HCN1: variants seen among roughly 807,000 people sequenced by gnomAD.
HCN1 encodes potassium/sodium hyperpolarization-activated cyclic nucleotide-gated channel 1.
HCN1 carries 13 observed loss-of-function variants against 78.9 expected under a neutral mutation model. That is an observed-to-expected ratio of 0.16 (90% CI 0.11 to 0.26). HCN1 has a LOEUF of 0.26. Ranked by LOEUF, HCN1 falls within the 10% of genes least tolerant of loss-of-function variation. The pLI is 1.00. For missense variants in HCN1, 810 were observed against 1,154.3 expected, an observed-to-expected ratio of 0.70 and a Z score of 4.32; for synonymous variants, 552 against 455.5, an observed-to-expected ratio of 1.21 and a Z score of -2.70.
At chr5:45,351,273 G>T (rs1185694010) in intron 5 of HCN1, among the ~76,000 whole-genome samples, 2 of 150,346 alleles carry the variant, frequency 1.3e-5, no homozygotes, top group East Asian at 3.9e-4. Context: ...CAAGCAATGG[G>T]GAAAGGATTC....
chr5:45,660,654 C>T (rs1172490426), intron 1 of HCN1, among the ~76,000 whole-genome samples: 285 of 149,134 alleles, frequency 1.9e-3, no homozygotes, highest in Non-Finnish European at 3.4e-3. Context: ...GGTTGCAATC[C>T]TAGTCTCTGA....
chr5:45,282,926 A>G (rs1745196862), intron 6 of HCN1, among the ~76,000 whole-genome samples: 2 of 152,152 alleles, frequency 1.3e-5, no homozygotes, highest in Non-Finnish European at 2.9e-5. Flanking sequence ...CTATTTTTTA[A>G]TCTCTTCACT....
intron 6 of HCN1, among the ~76,000 whole-genome samples, 180 bp downstream of exon 6, chr5:45,303,419 C>T (rs968857143): frequency 1.3e-5 from 2 of 152,098 alleles, no homozygotes; most frequent in African/African-American, 2.4e-5. Context: ...GTAGTAAATG[C>T]ACACACATTG....
At chr5:45,295,959 T>A (rs1745483410) in intron 6 of HCN1, among the ~76,000 whole-genome samples, 1 of 152,026 alleles carries the variant, frequency 6.6e-6, no homozygotes, top group Non-Finnish European at 1.5e-5. Context: ...TACATTATCT[T>A]CTTTGATGTC....
At chr5:45,619,551 T>C (rs530582716) in intron 2 of HCN1, among the ~76,000 whole-genome samples, 17 of 152,164 alleles carry the variant, frequency 1.1e-4, no homozygotes, top group African/African-American at 1.9e-4. Context: ...AATGAATGAA[T>C]GAATGAATTA....
At chr5:45,303,952 A>G (rs971496668) in intron 5 of HCN1, 113 bp from the exon 6 acceptor site, 2 of 976,174 alleles carry the variant, frequency 2.0e-6, no homozygotes, top group Admixed American at 2.0e-5. Flanking sequence ...AAATTTAGAT[A>G]CAAAAATTCA....
At chr5:45,682,671 C>T (rs189632072) in intron 1 of HCN1, among the ~76,000 whole-genome samples, 23 of 151,486 alleles carry the variant, frequency 1.5e-4, no homozygotes, top group Non-Finnish European at 1.5e-5. Flanking sequence ...CTTAGTGGGC[C>T]TTAAATTCCA....
intron 2 of HCN1, among the ~76,000 whole-genome samples, chr5:45,508,263 G>C (rs922838692): frequency 4.6e-5 from 7 of 151,984 alleles, no homozygotes; most frequent in East Asian, 1.9e-4. Flanking sequence ...ATTCCCAAAG[G>C]CCACTGTATC....
At chr5:45,383,737 C>G (rs1376260802) in intron 4 of HCN1, among the ~76,000 whole-genome samples, 1 of 151,614 alleles carries the variant, frequency 6.6e-6, no homozygotes. Context: ...AAAAAAAATC[C>G]ATGAAGAAAT....
At chr5:45,567,245 T>C (rs545318964) in intron 2 of HCN1, among the ~76,000 whole-genome samples, 1 of 152,216 alleles carries the variant, frequency 6.6e-6, no homozygotes, top group South Asian at 2.1e-4. Context: ...CCTCCTTTTC[T>C]TCTTCAAAAA....
chr5:45,457,514 AGCAAAGTTACTTCCTGTT>A (rs1358214884), intron 3 of HCN1, among the ~76,000 whole-genome samples: 157 of 152,270 alleles, frequency 1.0e-3, no homozygotes, highest in African/African-American at 3.6e-3. Flanking sequence ...ATAAATACAA[AGCAAAGTTACTTCCTGTT>A]CACGTTGTGT....
chr5:45,355,320 A>T (rs1746987748), intron 4 of HCN1, among the ~76,000 whole-genome samples: 1 of 151,982 alleles, frequency 6.6e-6, no homozygotes, highest in Admixed American at 6.6e-5. Context: ...GTATGCCAGT[A>T]GTTCTCAAGG....
intron 2 of HCN1, among the ~76,000 whole-genome samples, chr5:45,534,396 C>G: frequency 1.6e-5 from 1 of 63,614 alleles, no homozygotes; most frequent in Non-Finnish European, 2.8e-5. Context: ...CAGAGTGAGA[C>G]TGCATCTCAA....
At chr5:45,658,584 C>T (rs1037328622) in intron 1 of HCN1, among the ~76,000 whole-genome samples, 5 of 151,862 alleles carry the variant, frequency 3.3e-5, no homozygotes, top group Non-Finnish European at 5.9e-5. Context: ...TGGGCGCAGG[C>T]CAGTGTGTGC....
chr5:45,497,882 A>G (rs1284278637), intron 2 of HCN1, among the ~76,000 whole-genome samples: 2 of 152,122 alleles, frequency 1.3e-5, no homozygotes, highest in Non-Finnish European at 2.9e-5. Flanking sequence ...TGGGTTGAAA[A>G]TTCTTTTCTT....
chr5:45,350,729 C>T (rs367549332), intron 5 of HCN1, among the ~76,000 whole-genome samples: 1,709 of 150,792 alleles, frequency 0.011, 32 homozygotes, highest in African/African-American at 0.039. Flanking sequence ...TATACACCAA[C>T]AACAGACAAA....
chr5:45,652,482 T>C (rs1287744408), intron 1 of HCN1, among the ~76,000 whole-genome samples: 1 of 152,036 alleles, frequency 6.6e-6, no homozygotes, highest in Non-Finnish European at 1.5e-5. Flanking sequence ...CTTCCTTCTA[T>C]TCACTCTCTC....
At chr5:45,630,944 A>T (rs1745260391) in intron 2 of HCN1, among the ~76,000 whole-genome samples, 1 of 152,218 alleles carries the variant, frequency 6.6e-6, no homozygotes, top group Non-Finnish European at 1.5e-5. Flanking sequence ...TTTATTAAAA[A>T]AATGAATAAT....
intron 5 of HCN1, among the ~76,000 whole-genome samples, chr5:45,323,836 T>C (rs1192704354): frequency 1.3e-5 from 2 of 152,016 alleles, no homozygotes; most frequent in East Asian, 1.9e-4. Context: ...GTCCTTGTGA[T>C]AGATTGCTGA....
Sources: allele counts gnomAD v4.1 joint callset (sites outside exome capture counted in the v4.1 genomes callset), GRCh38; gene constraint gnomAD v4.1.1; transcripts MANE v1.5; gene names NCBI Gene and HGNC (gene_info 2026-07-23, HGNC 2026-07-21).